The following WDR70 variants were observed in gnomAD, a reference collection of about 807,000 sequenced individuals.
WDR70 encodes WD repeat-containing protein 70.
In WDR70, 53 loss-of-function variants were observed where a neutral mutation model predicts 88.6. That is an observed-to-expected ratio of 0.60 (90% CI 0.48 to 0.75). The LOEUF (loss-of-function observed/expected upper bound fraction) is 0.75, where lower values mean the gene tolerates loss of function less well. WDR70 is among the 30% of genes least tolerant of loss of function. The probability of loss-of-function intolerance (pLI) is 0.00; values close to 1 mark genes in which losing one functional copy is unlikely to be tolerated. For missense variants in WDR70, 610 were observed against 823.2 expected, an observed-to-expected ratio of 0.74 and a Z score of 3.17; for synonymous variants, 280 against 270.0, an observed-to-expected ratio of 1.04 and a Z score of -0.36.
chr5:37,697,559 T>C (rs1318421521), intron 10 of WDR70, 96 bp from the exon 11 acceptor site: 4 of 999,906 alleles, frequency 4.0e-6, no homozygotes, highest in Non-Finnish European at 6.2e-6. Context: ...AGGTGTGTAT[T>C]ATTTTCATCG....
At chr5:37,563,520 T>C (rs1581396677) in intron 9 of WDR70, among the ~76,000 whole-genome samples, 1 of 43,902 alleles carries the variant, frequency 2.3e-5, no homozygotes, top group Non-Finnish European at 5.2e-5. Flanking sequence ...GAGGCGCCCC[T>C]CACCTCCCGG....
intron 10 of WDR70, among the ~76,000 whole-genome samples, chr5:37,609,143 C>T (rs977552354): frequency 2.6e-5 from 4 of 151,942 alleles, no homozygotes; most frequent in African/African-American, 7.3e-5. Context: ...GGTATGTGTA[C>T]GAGTTTTGGG....
intron 5 of WDR70, among the ~76,000 whole-genome samples, chr5:37,406,888 C>T (rs1479078896): frequency 1.3e-5 from 2 of 152,028 alleles, no homozygotes; most frequent in African/African-American, 4.8e-5. Flanking sequence ...ACATTTTTGC[C>T]AGTTAAACTA....
chr5:37,452,589 T>C (rs1453075169), intron 7 of WDR70, among the ~76,000 whole-genome samples: 1 of 152,216 alleles, frequency 6.6e-6, no homozygotes, highest in Non-Finnish European at 1.5e-5. Context: ...GTTAACCTTT[T>C]AAATTACGTT....
chr5:37,610,661 C>A (rs191418566), intron 10 of WDR70, among the ~76,000 whole-genome samples: 2 of 152,000 alleles, frequency 1.3e-5, no homozygotes, highest in African/African-American at 2.4e-5. Flanking sequence ...GAAATTTAAA[C>A]CTATAAGTAG....
At chr5:37,443,409 C>G (rs776719034) in intron 7 of WDR70, 37 bp downstream of exon 7, 4 of 1,609,256 alleles carry the variant, frequency 2.5e-6, no homozygotes, top group South Asian at 1.1e-5. Flanking sequence ...CATATTTGAC[C>G]TAATGTCTTC....
intron 16 of WDR70, among the ~76,000 whole-genome samples, chr5:37,725,515 T>G (rs1044000565): frequency 6.6e-6 from 1 of 151,844 alleles, no homozygotes; most frequent in Non-Finnish European, 1.5e-5. Flanking sequence ...GTCTTTAGAG[T>G]TTTTGAGAAG....
At chr5:37,528,594 G>T (rs1302656103) in intron 9 of WDR70, among the ~76,000 whole-genome samples, 2 of 151,794 alleles carry the variant, frequency 1.3e-5, no homozygotes, top group African/African-American at 4.8e-5. Flanking sequence ...AAACCTGCAC[G>T]TTGTACACAT....
intron 10 of WDR70, among the ~76,000 whole-genome samples, chr5:37,638,149 A>G (rs1745020667): frequency 6.6e-6 from 1 of 152,214 alleles, no homozygotes; most frequent in Admixed American, 6.5e-5. Flanking sequence ...ATTTCACTTT[A>G]TACTGCAGTT....
chr5:37,431,152 C>T (rs993258808), intron 5 of WDR70, among the ~76,000 whole-genome samples: 1 of 152,128 alleles, frequency 6.6e-6, no homozygotes, highest in Non-Finnish European at 1.5e-5. Context: ...CTGTGCCTGG[C>T]CATATATATT....
At chr5:37,403,741 G>T in intron 5 of WDR70, among the ~76,000 whole-genome samples, 1 of 151,676 alleles carries the variant, frequency 6.6e-6, no homozygotes. Flanking sequence ...TTTTTTTAAA[G>T]ATGGGGTCTT....
At chr5:37,582,503 T>C (rs1015905665) in intron 9 of WDR70, among the ~76,000 whole-genome samples, 1 of 152,232 alleles carries the variant, frequency 6.6e-6, no homozygotes, top group African/African-American at 2.4e-5. Flanking sequence ...ATCTTTTAGA[T>C]GTTAAAGTAG....
intron 9 of WDR70, among the ~76,000 whole-genome samples, chr5:37,529,943 C>T (rs936808260): frequency 5.3e-5 from 8 of 152,000 alleles, no homozygotes; most frequent in Non-Finnish European, 2.9e-5. Flanking sequence ...ATTCAGTATA[C>T]TGTTGGCTGT....
At chr5:37,527,837 T>C (rs1358312557) in intron 9 of WDR70, among the ~76,000 whole-genome samples, 1 of 152,196 alleles carries the variant, frequency 6.6e-6, no homozygotes, top group Non-Finnish European at 1.5e-5. Context: ...CAGACACTTC[T>C]CAAAAGAAGT....
At chr5:37,604,964 C>T in intron 9 of WDR70, 100 bp from the exon 10 acceptor site, 2 of 1,034,014 alleles carry the variant, frequency 1.9e-6, no homozygotes, top group South Asian at 5.9e-5. Context: ...ATTTATGTGC[C>T]AAAATGGCGA....
At chr5:37,591,280 C>T (rs964712461) in intron 9 of WDR70, among the ~76,000 whole-genome samples, 1 of 152,066 alleles carries the variant, frequency 6.6e-6, no homozygotes, top group African/African-American at 2.4e-5. Context: ...TTGCAGTGAG[C>T]CGAGATCACA....
chr5:37,556,824 A>G (rs2088077), intron 9 of WDR70, among the ~76,000 whole-genome samples: 60,846 of 151,980 alleles, frequency 0.4, 14,126 homozygotes, highest in Non-Finnish European at 0.52. Context: ...ATAACACTAT[A>G]AAAGGAGCCC....
At chr5:37,725,358 C>T (rs193240276) in intron 16 of WDR70, among the ~76,000 whole-genome samples, 74 of 151,968 alleles carry the variant, frequency 4.9e-4, no homozygotes, top group Non-Finnish European at 8.1e-4. Flanking sequence ...GACCTTGGAA[C>T]CCAGTGTTAA....
At chr5:37,554,807 C>T (rs1176669434) in intron 9 of WDR70, among the ~76,000 whole-genome samples, 2 of 152,046 alleles carry the variant, frequency 1.3e-5, no homozygotes, top group African/African-American at 4.8e-5. Context: ...CCTGGGCTTA[C>T]ATGACCCTCC....
Sources: allele counts gnomAD v4.1 joint callset (sites outside exome capture counted in the v4.1 genomes callset), GRCh38; gene constraint gnomAD v4.1.1; transcripts MANE v1.5; gene names NCBI Gene and HGNC (gene_info 2026-07-23, HGNC 2026-07-21).